Variants in ATPAF2 observed in about 807,000 individuals in gnomAD.
ATPAF2 encodes the protein ATP synthase mitochondrial F1 complex assembly factor 2.
In ATPAF2, 30 loss-of-function variants were observed where a neutral mutation model predicts 36.6. The observed-to-expected ratio is 0.82, with a 90% CI of 0.61 to 1.11. The LOEUF (loss-of-function observed/expected upper bound fraction) is 1.11. Ranked by LOEUF, ATPAF2 falls within the 50% of genes most tolerant of loss-of-function variation. The pLI is 0.00. For missense variants in ATPAF2, 321 were observed against 372.3 expected (o/e 0.86, Z 1.13); for synonymous variants, 140 against 152.6 (o/e 0.92, Z 0.61).
At chr17:18,033,626 C>A (rs1022067502) in intron 1 of ATPAF2, among the ~76,000 whole-genome samples, 10 of 151,974 alleles carry the variant, frequency 6.6e-5, no homozygotes, top group African/African-American at 2.4e-4. Flanking sequence ...CACAGTGCAC[C>A]AAGAAGAGGA....
rs560822188 is a variant in ATPAF2, at chr17:18,018,343, G to A, written c.*206C>T. On this transcript the variant is annotated 3_prime_UTR_variant, in exon 8 of 8. Coordinates refer to ENST00000474627, the MANE Select transcript of ATPAF2 (RefSeq NM_145691.4). The stretch of plus-strand genomic sequence containing the variant: ...AATTCATCTCCTACATTCACTGCTG[G>A]CCAGGCCAGGGGCACCTGGGTTGAA... The A allele has an allele frequency of 3.2e-6, 2 of 632,366 alleles. No homozygotes were observed. The highest frequency in any genetic ancestry group is 3.8e-5 in the South Asian group (2 of 53,264). 39.2% of individuals were successfully genotyped at this position (632,366 alleles called of 1,614,324 possible). A position where few individuals can be genotyped will look rare whatever the true frequency, so the allele number is the denominator to read the frequency against.
At chr17:18,035,900 T>C (rs2044696299) in intron 1 of ATPAF2, among the ~76,000 whole-genome samples, 1 of 152,174 alleles carries the variant, frequency 6.6e-6, no homozygotes, top group African/African-American at 2.4e-5. Context: ...AACTGGTAAA[T>C]AGCAGAGACA....
chr17:18,016,521 CT>C, downstream of ATPAF2: 1 of 1,404,306 alleles, frequency 7.1e-7, no homozygotes, highest in South Asian at 1.2e-5. Flanking sequence ...AACCAATGAT[CT>C]GATGTAAGGA....
At chr17:18,033,052 A>G (rs1269020883) in intron 1 of ATPAF2, among the ~76,000 whole-genome samples, 1 of 151,978 alleles carries the variant, frequency 6.6e-6, no homozygotes, top group African/African-American at 2.4e-5. Flanking sequence ...GAGCCAAGTA[A>G]AGGCTCCACA....
chr17:18,023,297 G>A (rs1450376137), intron 5 of ATPAF2, among the ~76,000 whole-genome samples: 1 of 151,796 alleles, frequency 6.6e-6, no homozygotes, highest in Non-Finnish European at 1.5e-5. Context: ...TGGGCGTGGT[G>A]GGCGCCTGTA....
At chr17:18,023,127 C>CA (rs772470040) in intron 5 of ATPAF2, among the ~76,000 whole-genome samples, 8,582 of 104,718 alleles carry the variant, frequency 0.082, 397 homozygotes, top group Middle Eastern at 0.16. Flanking sequence ...AGACTCCTTT[C>CA]AAAAAAAAAA....
intron 3 of ATPAF2, among the ~76,000 whole-genome samples, chr17:18,027,601 G>C (rs1486707006): frequency 1.3e-5 from 2 of 152,210 alleles, no homozygotes; most frequent in Non-Finnish European, 2.9e-5. Flanking sequence ...CAAGGTTACA[G>C]TTTAGAAGCT....
At chr17:18,021,306 C>A (rs2044466318) in intron 6 of ATPAF2, 68 bp from the exon 7 acceptor site, 2 of 1,201,242 alleles carry the variant, frequency 1.7e-6, no homozygotes, top group African/African-American at 1.5e-5. Context: ...CTTGTGAGTC[C>A]CAGCAGCCCT....
At position 18,024,629 on chromosome 17, in the gene ATPAF2, C is replaced by T. The variant is rs1174723843; in HGVS notation, c.498G>A (p.Glu166=). The T allele has an allele frequency of 6.2e-7, 1 of 1,613,732 alleles. No homozygotes were observed. The highest frequency in any genetic ancestry group is 1.3e-5 in the African/African-American group (1 of 74,902). The change falls in exon 5 of 8, where the codon GAG becomes GAA. Residue 166 remains glutamate (E), a synonymous_variant. Coordinates refer to ENST00000474627, the MANE Select transcript of ATPAF2 (RefSeq NM_145691.4). ...NEWDPIIEWA[E]KRYGVEISSS... is the part of the protein sequence containing the mutation. ...TGCAGGGCTGTACATCTTACCTTTT[C>T]TCAGCCCATTCGATGATTGGATCCC...
In ATPAF2 at chr17:18,027,517, G is replaced by T. The variant is rs143286029; in HGVS notation, c.324+715C>A. Among the ~76,000 whole-genome samples, 1,163 of 152,308 alleles carry T rather than the reference G, an allele frequency of 7.6e-3. 11 individuals carry two copies. The highest frequency in any genetic ancestry group is 0.013 in the Non-Finnish European group (858 of 68,036). On this transcript the variant is annotated intron_variant, in intron 3 of 7. Transcript: ENST00000474627. The stretch of plus-strand genomic sequence containing the variant: ...CTCATCTCATCCTGACCACAGCTCC[G>T]TGAGGTGGGTACTATTATCACTCAT...
intron 7 of ATPAF2, among the ~76,000 whole-genome samples, chr17:18,019,274 G>A (rs2044434093): frequency 6.6e-6 from 1 of 152,100 alleles, no homozygotes; most frequent in South Asian, 2.1e-4. Context: ...CCAGGCCCAG[G>A]CCCAGGGCCA....
intron 1 of ATPAF2, among the ~76,000 whole-genome samples, chr17:18,037,209 T>C (rs945475836): frequency 2.0e-5 from 3 of 152,234 alleles, no homozygotes; most frequent in Non-Finnish European, 2.9e-5. Flanking sequence ...TGGCCCTTCA[T>C]GGCCCATTTC....
At chr17:18,028,023 GCA>G (rs948158830) in intron 3 of ATPAF2, 1 of 637,062 alleles carries the variant, frequency 1.6e-6, no homozygotes, top group African/African-American at 1.8e-5. Context: ...CAGCCATCCA[GCA>G]CAGTGTTCCT....
downstream of ATPAF2, chr17:18,016,827 CA>C: frequency 2.1e-6 from 1 of 483,388 alleles, no homozygotes; most frequent in Non-Finnish European, 3.7e-6. Flanking sequence ...GAAAAACTTC[CA>C]AAAGTAGAGA....
chr17:18,031,061 C>G (rs1446200387), intron 1 of ATPAF2, among the ~76,000 whole-genome samples: 1 of 149,564 alleles, frequency 6.7e-6, no homozygotes, highest in Non-Finnish European at 1.5e-5. Flanking sequence ...CAAGTTCTGC[C>G]TCCTCGGTTC....
Position 18,038,979 on chromosome 17 carries a change from C to A in ATPAF2, c.35G>T (p.Gly12Val), listed in dbSNP as rs149036879. Residue 12 changes from glycine to valine, a missense_variant, in exon 1 of 8, where the codon GGA becomes GTA. Gly to Val is a moderately radical substitution (Grantham distance 109). Around this residue, in one of 3 missense-constraint regions of ATPAF2, gnomAD observed 69 missense variants for 60.1 expected, o/e 1.15. Coordinates refer to ENST00000474627, the MANE Select transcript of ATPAF2 (RefSeq NM_145691.4). ...CGCCGGCCGATTCAGGAGACGGCGTCCCCCGTCCCGCAGCCGGAGGCAGCT... is the reference window on the plus strand; with the variant it reads ...CGCCGGCCGATTCAGGAGACGGCGTACCCCGTCCCGCAGCCGGAGGCAGCT... ...WRSCLRLRDGGRRLLNRPAGG... is the reference protein window; with the variant it reads ...WRSCLRLRDGVRRLLNRPAGG... 2 of 1,612,348 alleles carry A rather than the reference C, an allele frequency of 1.2e-6. No homozygotes were observed. Among genetic ancestry groups the A allele is most frequent in the African/African-American group, 1.3e-5 (1 of 75,034 alleles).
chr17:18,029,685 G>C (rs896707723), intron 1 of ATPAF2, among the ~76,000 whole-genome samples: 3 of 151,554 alleles, frequency 2.0e-5, no homozygotes, highest in African/African-American at 7.3e-5. Context: ...CCACCTCCTG[G>C]GTTCAAGCGA....
intron 1 of ATPAF2, among the ~76,000 whole-genome samples, chr17:18,030,598 G>T (rs1490648469): frequency 6.7e-6 from 1 of 149,780 alleles, no homozygotes; most frequent in African/African-American, 2.4e-5. Flanking sequence ...AAATTAGTAT[G>T]TGTGCATGGA....
intron 4 of ATPAF2, chr17:18,025,716 G>A (rs1226404363): frequency 6.1e-6 from 1 of 163,802 alleles, no homozygotes; most frequent in Non-Finnish European, 1.3e-5. Context: ...TAAATGGAGT[G>A]GGCGTTCCCA....
Sources: allele counts gnomAD v4.1 joint callset (sites outside exome capture counted in the v4.1 genomes callset), GRCh38; gene constraint gnomAD v4.1.1; regional missense constraint gnomAD v4.1.1; transcripts MANE v1.5; gene names NCBI Gene and HGNC (gene_info 2026-07-23, HGNC 2026-07-21).